The following LRP1 variants were observed in gnomAD, a reference collection of about 807,000 sequenced individuals.
The protein encoded by LRP1 is prolow-density lipoprotein receptor-related protein 1.
Under a neutral mutation model 541.5 loss-of-function variants are expected in LRP1, and 51 were observed. The ratio of observed to expected loss-of-function variants is 0.09; its 90% CI spans 0.08 to 0.12. LRP1 has a LOEUF of 0.12. Among genes scored for constraint, LRP1 ranks in the 10% least tolerant of loss-of-function variants. The pLI, the probability that LRP1 is intolerant of heterozygous loss-of-function variation, is 1.00. For missense variants in LRP1, 3,878 were observed against 6,376.2 expected (o/e 0.61, Z 13.34); for synonymous variants, 2,219 against 2,470.8 (o/e 0.90, Z 3.02).
At chr12:57,199,811 A>G in intron 61 of LRP1, 66 bp from the exon 62 acceptor site, 19 of 1,532,380 alleles carry the variant, frequency 1.2e-5, no homozygotes, top group Non-Finnish European at 1.7e-5. Context: ...TCCAGGATAG[A>G]GTGAGTGAGG....
At position 57,183,929 on chromosome 12, in the gene LRP1, G is replaced by C; in HGVS notation, c.5929+20G>C. 6.2e-7 allele frequency: 1 copy of C among 1,614,040 alleles called. No homozygotes were observed. The highest frequency in any genetic ancestry group is 8.5e-7 in the Non-Finnish European group (1 of 1,180,006). ...TCGCAGGTGAGCAGTGGGCAGGTTT[G>C]TGGGGCTTGGGGTGTGGCAGAGGAC... On this transcript the variant is annotated intron_variant, in intron 36 of 88. Coordinates refer to ENST00000243077, the MANE Select transcript of LRP1 (RefSeq NM_002332.3). This position sits in a 1 kb window ranked among gnomAD's most constrained non-coding sequence, Gnocchi z 6.1.
In LRP1 at chr12:57,194,008, C is replaced by T. The variant is rs765661356; in HGVS notation, c.7914C>T (p.Asn2638=). ...VDCEDASDEM[N]CSATDCSSYF... is the part of the protein sequence containing the mutation. ...GTGAGGACGCCTCAGATGAGATGAACTGCAGTGAGTGACGCCCTTTGCTGG... is the reference window on the plus strand; with the variant it reads ...GTGAGGACGCCTCAGATGAGATGAATTGCAGTGAGTGACGCCCTTTGCTGG... The change falls in exon 48 of 89, where the codon AAC becomes AAT. Residue 2638 remains asparagine, a synonymous_variant. Transcript: ENST00000243077. The T allele has an allele frequency of 1.1e-5, 18 of 1,613,956 alleles. No individual in the cohort carries two copies. The East Asian group carries it at 2.7e-4, about 24-fold the overall frequency.
At position 57,166,219 on chromosome 12, in the gene LRP1, G is replaced by A. The variant is rs200761148; in HGVS notation, c.2797+10G>A. The A allele has an allele frequency of 1.3e-5, 20 of 1,596,002 alleles. No homozygotes were observed. The highest frequency in any genetic ancestry group is 7.9e-5 in the South Asian group (7 of 88,798). On this transcript the variant is annotated intron_variant, in intron 17 of 88. Coordinates refer to ENST00000243077, the MANE Select transcript of LRP1 (RefSeq NM_002332.3). Reference sequence around the variant, plus strand: ...AATGCCACTTGTTCAGGTGTGGAGCGGGGCTCAGATCACACGAGGCACCCC... The same window carrying A: ...AATGCCACTTGTTCAGGTGTGGAGCAGGGCTCAGATCACACGAGGCACCCC...
intron 23 of LRP1, 97 bp from the exon 24 acceptor site, chr12:57,175,812 C>T (rs1565733932): frequency 6.4e-7 from 1 of 1,566,384 alleles, no homozygotes; most frequent in East Asian, 2.2e-5. Flanking sequence ...CACCCTAGCC[C>T]CCAGTGCCCG....
rs759897817 is a variant in LRP1, at chr12:57,212,123, G to A, written c.13356G>A (p.Lys4452=). The change falls in exon 88 of 89, where the codon AAG becomes AAA. Residue 4452 remains lysine, a synonymous_variant. Transcript: ENST00000243077. The surrounding 1 kb of genome is among the most constrained non-coding windows in gnomAD (Gnocchi z 5.0). ...FWYKRRVQGA[K]GFQHQRMTNG... is the part of the protein sequence containing the mutation. ...TACTCCTGCCTTTCCCCAGGGCTAAGGGCTTCCAGCACCAACGGATGACCA... is the reference window on the plus strand; with the variant it reads ...TACTCCTGCCTTTCCCCAGGGCTAAAGGCTTCCAGCACCAACGGATGACCA... The A allele has an allele frequency of 1.2e-6, 2 of 1,613,946 alleles. No homozygotes were observed. The highest frequency in any genetic ancestry group is 2.2e-5 in the South Asian group (2 of 91,078).
At position 57,179,495 on chromosome 12, in the gene LRP1, G is replaced by A; in HGVS notation, c.4905G>A (p.Arg1635=). 2 of 1,614,194 alleles carry A rather than the reference G, an allele frequency of 1.2e-6. No individual in the cohort carries two copies. Among genetic ancestry groups the A allele is most frequent in the Non-Finnish European group, 1.7e-6 (2 of 1,180,030 alleles). Residue 1635 remains arginine (R), a synonymous_variant, in exon 29 of 89, where the codon CGG becomes CGA. Coordinates refer to ENST00000243077, the MANE Select transcript of LRP1 (RefSeq NM_002332.3). This position sits in a 1 kb window ranked among gnomAD's most constrained non-coding sequence, Gnocchi z 6.8. ...AGCGTGTGTACTGGTCTGACGTGCG[G>A]ACACAGGCCATCAAGCGGGCCTTCA... is the stretch of plus-strand genomic sequence containing the variant. ...REQRVYWSDV[R]TQAIKRAFIN...
At position 57,178,265 on chromosome 12, in the gene LRP1, G is replaced by T; in HGVS notation, c.4362-94G>T. ...TGGTCCCATGCTCTTCGCTGGGAGG[G>T]CTGTGGCCAGGGCCCAGAGGGTGGG... On this transcript the variant is annotated intron_variant, in intron 26 of 88. Transcript: ENST00000243077. This position sits in a 1 kb window ranked among gnomAD's most constrained non-coding sequence, Gnocchi z 5.8. 4 of 1,446,744 alleles carry T rather than the reference G, an allele frequency of 2.8e-6. No homozygotes were observed. Among genetic ancestry groups the T allele is most frequent in the South Asian group, 2.6e-5 (2 of 76,320 alleles). The allele number at this position is 1,446,744 out of a possible 1,614,324, so 89.6% of individuals were successfully genotyped here.
Position 57,208,999 on chromosome 12 carries a change from C to T in LRP1, c.12146-84C>T. 2.5e-6 allele frequency: 3 copies of T among 1,200,398 alleles called. No individual in the cohort carries two copies. In the South Asian group the frequency reaches 3.8e-5, roughly 15 times the overall value. 74.4% of individuals were successfully genotyped at this position (1,200,398 alleles called of 1,614,324 possible). Reference sequence around the variant, plus strand: ...TGAGTGGCGTATGAACAGGGTGGAGCTGTCCCGGGCATGGAGGCAGTTCTT... The same window carrying T: ...TGAGTGGCGTATGAACAGGGTGGAGTTGTCCCGGGCATGGAGGCAGTTCTT... On this transcript the variant is annotated intron_variant, in intron 78 of 88. Transcript: ENST00000243077.
At chr12:57,199,091 T>C in intron 60 of LRP1, 121 bp from the exon 61 acceptor site, 4 of 883,740 alleles carry the variant, frequency 4.5e-6, no homozygotes, top group Non-Finnish European at 7.3e-6. Flanking sequence ...CCATGAACCA[T>C]CTGTAACTGG....
In LRP1 at chr12:57,177,648, G is replaced by A. The variant is rs1455684706; in HGVS notation, c.4361+57G>A. The A allele has an allele frequency of 6.3e-6, 10 of 1,586,278 alleles. No homozygotes were observed. Among genetic ancestry groups the A allele is most frequent in the Middle Eastern group, 1.7e-4 (1 of 6,026 alleles). The stretch of plus-strand genomic sequence containing the variant: ...AGTCTGTGGCACCAGGACGGGGTGG[G>A]GAGGAACCTGTGGTGATGAGGGTGA... On this transcript the variant is annotated intron_variant, in intron 26 of 88. Transcript: ENST00000243077. This position sits in a 1 kb window ranked among gnomAD's most constrained non-coding sequence, Gnocchi z 6.8.
intron 41 of LRP1, among the ~76,000 whole-genome samples, chr12:57,186,923 C>A (rs570389161): frequency 6.6e-6 from 1 of 152,340 alleles, no homozygotes; most frequent in South Asian, 2.1e-4. Context: ...AGGGGGCTCC[C>A]CAGTACAGCC....
rs376998960 is a variant in LRP1 at position 57,180,815 on chromosome 12, C to T, written c.5527+8C>T. ...ACGAGAGCATCCAGCTGGGTAGGTG[C>T]GAGGCCGGGCGGCCGCTGGGGGCTC... is the stretch of plus-strand genomic sequence containing the variant. On this transcript the variant is annotated splice_region_variant and intron_variant, in intron 33 of 88. Coordinates refer to ENST00000243077, the MANE Select transcript of LRP1 (RefSeq NM_002332.3). 2.9e-5 allele frequency: 47 copies of T among 1,613,122 alleles called. No individual in the cohort carries two copies. The highest frequency in any genetic ancestry group is 3.3e-4 in the Middle Eastern group (2 of 6,038).
rs747272551 is a variant in LRP1 at position 57,197,279 on chromosome 12, G to A, written c.9077-20G>A. On this transcript the variant is annotated intron_variant, in intron 56 of 88. Transcript: ENST00000243077. The surrounding 1 kb of genome is among the most constrained non-coding windows in gnomAD (Gnocchi z 4.5). ...CCGCTAGAATGTGCCAGGAGCTGAG[G>A]CAAGATCCTCTGTCTGCAGACGAGG... 2 of 1,613,812 alleles carry A rather than the reference G, an allele frequency of 1.2e-6. No individual in the cohort carries two copies. The highest frequency in any genetic ancestry group is 1.7e-6 in the Non-Finnish European group (2 of 1,179,712).
intron 48 of LRP1, 49 bp downstream of exon 48, chr12:57,194,061 A>G (rs1195886955): frequency 1.3e-6 from 2 of 1,512,940 alleles, no homozygotes; most frequent in Admixed American, 3.4e-5. Context: ...CCCATCGCTC[A>G]CTGCATCTCC....
At chr12:57,152,353 T>C (rs1016290082) in intron 6 of LRP1, among the ~76,000 whole-genome samples, 1 of 151,898 alleles carries the variant, frequency 6.6e-6, no homozygotes, top group Non-Finnish European at 1.5e-5. Flanking sequence ...ACTGATGAAG[T>C]TCATACACAT....
intron 1 of LRP1, among the ~76,000 whole-genome samples, chr12:57,136,147 C>G (rs1441677443): frequency 6.6e-6 from 1 of 152,232 alleles, no homozygotes; most frequent in African/African-American, 2.4e-5. Flanking sequence ...CCGGGAAGAC[C>G]TCACAGCTGG....
chr12:57,188,963 C>T (rs756843875), intron 42 of LRP1, among the ~76,000 whole-genome samples: 2 of 152,278 alleles, frequency 1.3e-5, no homozygotes, highest in African/African-American at 2.4e-5. Context: ...CAGGCACTTT[C>T]GGGGAATCAG....
At chr12:57,149,821 C>A in intron 6 of LRP1, 2 of 695,490 alleles carry the variant, frequency 2.9e-6, no homozygotes, top group Non-Finnish European at 5.2e-6. Context: ...GAGCTTCTGC[C>A]AGGCTCGCCA....
chr12:57,205,168 C>G lies in LRP1; in HGVS notation c.11254C>G (p.Gln3752Glu). The G allele has an allele frequency of 1.2e-6, 2 of 1,614,000 alleles. No individual in the cohort carries two copies. The highest frequency in any genetic ancestry group is 1.7e-6 in the Non-Finnish European group (2 of 1,180,010). The change falls in exon 73 of 89, where the codon CAG (glutamine) becomes GAG (glutamate). Residue 3752 changes from glutamine to glutamate, a missense_variant. By Grantham distance (29) the Gln-to-Glu change is conservative (BLOSUM62 2). Coordinates refer to ENST00000243077, the MANE Select transcript of LRP1 (RefSeq NM_002332.3). This position sits in a 1 kb window ranked among gnomAD's most constrained non-coding sequence, Gnocchi z 4.6. ...CAAGAAGGAGTTTCTGTGCCGGAAC[C>G]AGCGCTGCCTCTCCTCCTCCCTGCG... ...KDKKEFLCRN[Q>E]RCLSSSLRCN...
Sources: gnomAD v4.1 joint callset for allele counts (sites outside exome capture counted in the v4.1 genomes callset) on GRCh38, gnomAD v4.1.1 for gene constraint, Gnocchi (gnomAD v3.1) non-coding constraint, MANE v1.5 for transcripts, NCBI Gene and HGNC (gene_info 2026-07-23, HGNC 2026-07-21) for gene names.